Variants in CRACD observed in about 807,000 individuals in gnomAD.
CRACD encodes the protein capping protein inhibiting regulator of actin dynamics.
A neutral mutation model predicts 106.8 loss-of-function variants in CRACD; 56 were observed. The ratio of observed to expected loss-of-function variants is 0.52; its 90% CI spans 0.42 to 0.66. CRACD has a LOEUF of 0.66. Among genes scored for constraint, CRACD ranks in the 30% least tolerant of loss-of-function variants. The probability of loss-of-function intolerance (pLI) is 0.00; values close to 1 mark genes in which losing one functional copy is unlikely to be tolerated. For synonymous variants in CRACD, 754 were observed against 670.8 expected, an observed-to-expected ratio of 1.12 and a Z score of -1.92; for missense variants, 1,730 against 1,623.2, an observed-to-expected ratio of 1.07 and a Z score of -1.13.
In CRACD at chr4:56,314,451, G is replaced by A. The variant is rs1452939435; in HGVS notation, c.949G>A (p.Glu317Lys). The change falls in exon 8 of 11, where the codon GAG becomes AAG. Residue 317 changes from glutamate (E) to lysine (K), a missense_variant. Glu to Lys is a moderately conservative substitution (Grantham distance 56). This residue lies in a region of CRACD where 1,620 missense variants were observed against 1,481.6 expected (regional missense o/e 1.09). Transcript: ENST00000682029. The surrounding 1 kb of genome is among the most constrained non-coding windows in gnomAD (Gnocchi z 4.4). ...TGAGGAGCGCGAGCGCCTGGAGGCGGAGGAGGAGCGAAGGCGTCTGCAGGC... is the reference window on the plus strand; with the variant it reads ...TGAGGAGCGCGAGCGCCTGGAGGCGAAGGAGGAGCGAAGGCGTCTGCAGGC... ...EREERERLEA[E>K]EERRRLQAQA... The A allele has an allele frequency of 2.5e-6, 3 of 1,218,824 alleles. No individual in the cohort carries two copies. Among genetic ancestry groups the A allele is most frequent in the Admixed American group, 2.2e-5 (1 of 44,688 alleles). The allele number at this position is 1,218,824 out of a possible 1,614,324, so 75.5% of individuals were successfully genotyped here.
In CRACD at chr4:56,324,179, G is replaced by T; in HGVS notation, c.3454G>T (p.Glu1152Ter). The change falls in exon 10 of 11, where the codon GAA becomes TAA. Residue 1152 changes from glutamate (E) to a stop codon, truncating the protein, a stop_gained. Transcript: ENST00000682029. LOFTEE classifies it high-confidence loss of function. ...CCTGCACAAGTCCACTGCTCTGCCA[G>T]AAGAGAAGAGGCCCGAGACTGCAGT... Reference protein sequence around the residue: ...GSLHKSTALPEEKRPETAVSR... With the variant: ...GSLHKSTALP 6.2e-7 allele frequency: 1 copy of T among 1,614,220 alleles called. No homozygotes were observed. Among genetic ancestry groups the T allele is most frequent in the Non-Finnish European group, 8.5e-7 (1 of 1,180,004 alleles).
intron 3 of CRACD, among the ~76,000 whole-genome samples, chr4:56,284,737 C>CAA (rs71192086): frequency 0.01 from 1,566 of 151,098 alleles, 20 homozygotes; most frequent in African/African-American, 0.034. Context: ...AAACAAAAAA[C>CAA]AAAAAAAAAG....
chr4:56,271,691 G>T (rs1742356537), intron 2 of CRACD, among the ~76,000 whole-genome samples: 1 of 152,124 alleles, frequency 6.6e-6, no homozygotes, highest in African/African-American at 2.4e-5. Flanking sequence ...GTGCAAAGAG[G>T]TGCTGTGCTG....
chr4:56,178,607 A>G (rs73155172), intron 1 of CRACD, among the ~76,000 whole-genome samples: 3 of 152,100 alleles, frequency 2.0e-5, no homozygotes, highest in Admixed American at 6.6e-5. Context: ...ATACAAGCCA[A>G]CCCCCATCAG....
chr4:56,182,870 T>C (rs1736898001), intron 2 of CRACD, among the ~76,000 whole-genome samples: 1 of 75,474 alleles, frequency 1.3e-5, no homozygotes, highest in South Asian at 5.0e-4. Context: ...GATATGTGTG[T>C]GTGTGTGTGT....
At position 56,303,080 on chromosome 4, in the gene CRACD, C is replaced by A. The variant is rs932592461; in HGVS notation, c.121-4455C>A. Among the ~76,000 whole-genome samples the A allele has an allele frequency of 4.6e-5, 7 of 152,184 alleles. No homozygotes were observed. In the East Asian group the frequency reaches 5.8e-4, roughly 13 times the overall value. ...AGTCTGGAGGCTGGGTGTGGTGGCT[C>A]ATGCCTATAATTCGAGCACTCTGGG... On this transcript the variant is annotated intron_variant, in intron 4 of 10. Transcript: ENST00000682029.
At chr4:56,191,879 G>C (rs370963473) in intron 2 of CRACD, among the ~76,000 whole-genome samples, 2 of 152,230 alleles carry the variant, frequency 1.3e-5, no homozygotes, top group South Asian at 4.1e-4. Context: ...ACCAGTAAAG[G>C]CTTTCTTGTA....
At chr4:56,189,597 G>A (rs1468735860) in intron 2 of CRACD, among the ~76,000 whole-genome samples, 3 of 123,912 alleles carry the variant, frequency 2.4e-5, no homozygotes, top group Admixed American at 2.1e-4. Context: ...CCCTTCCTGC[G>A]TCCATGTGTT....
At chr4:56,266,189 A>G (rs1375944969) in intron 2 of CRACD, among the ~76,000 whole-genome samples, 4 of 152,230 alleles carry the variant, frequency 2.6e-5, no homozygotes, top group Non-Finnish European at 5.9e-5. Flanking sequence ...AAGTTCTTTC[A>G]TAAGGAAAAT....
intron 1 of CRACD, among the ~76,000 whole-genome samples, chr4:56,116,152 T>G (rs1290178749): frequency 6.6e-6 from 1 of 152,222 alleles, no homozygotes; most frequent in African/African-American, 2.4e-5. Flanking sequence ...TTCTTTCTCA[T>G]GTGGATATGT....
intron 2 of CRACD, among the ~76,000 whole-genome samples, chr4:56,181,856 A>G (rs751812910): frequency 1.3e-4 from 20 of 152,142 alleles, no homozygotes; most frequent in Non-Finnish European, 2.4e-4. Context: ...CCCTACTTCA[A>G]TGTGACCTCA....
In CRACD at chr4:56,079,137, G is replaced by T. The variant is rs565314649; in HGVS notation, c.-336+29838G>T. Among the ~76,000 whole-genome samples, 16 of 152,284 alleles carry T rather than the reference G, an allele frequency of 1.1e-4. No homozygotes were observed. The South Asian group carries it at 1.7e-3, about 16-fold the overall frequency. ...GAGTCCAGCGTGTCCTGCCAGGGAA[G>T]AGGAGGCCATTTAAAGGCACCATGC... is the stretch of plus-strand genomic sequence containing the variant. On this transcript the variant is annotated intron_variant, in intron 1 of 10. Coordinates refer to ENST00000682029, the MANE Select transcript of CRACD (RefSeq NM_001393381.1).
intron 1 of CRACD, among the ~76,000 whole-genome samples, chr4:56,073,133 GC>G (rs1732723033): frequency 6.6e-6 from 1 of 152,152 alleles, no homozygotes. Flanking sequence ...CAATGGGATG[GC>G]TGGGTCAAAT....
chr4:56,286,525 C>CAAAAAAAAAAAAAAAAAAAAAAAAAA lies in CRACD; in HGVS notation c.-16-11667_-16-11666insAAAAAAAAAAAAAAAAAAAAAAAAAA, dbSNP rs61498428. Reference sequence around the variant, plus strand: ...TGGGCGACAGAGCGAGACTCCGTCTCAAAAAAAAAAAAAAAAAAAAAAGAT... The same window carrying CAAAAAAAAAAAAAAAAAAAAAAAAAA: ...TGGGCGACAGAGCGAGACTCCGTCTCAAAAAAAAAAAAAAAAAAAAAAAAAAAAAAAAAAAAAAAAAAAAAAAAGAT... On this transcript the variant is annotated intron_variant, in intron 3 of 10. Transcript: ENST00000682029. 6.7e-5 allele frequency among the ~76,000 whole-genome samples: 6 copies of CAAAAAAAAAAAAAAAAAAAAAAAAAA among 89,370 alleles called. 2 individuals carry two copies. The highest frequency in any genetic ancestry group is 2.0e-4 in the African/African-American group (5 of 24,848). The allele number at this position is 89,370 out of a possible 152,430, so 58.6% of individuals were successfully genotyped here.
chr4:56,091,674 T>C (rs1733429659), intron 1 of CRACD, among the ~76,000 whole-genome samples: 1 of 152,206 alleles, frequency 6.6e-6, no homozygotes, highest in Non-Finnish European at 1.5e-5. Flanking sequence ...TCATGTGCTC[T>C]GTTATCTCCT....
At chr4:56,074,129 C>G (rs1344702066) in intron 1 of CRACD, among the ~76,000 whole-genome samples, 1 of 130,388 alleles carries the variant, frequency 7.7e-6, no homozygotes, top group African/African-American at 3.2e-5. Flanking sequence ...ATGCCTCTAG[C>G]TTTGTTCTTT....
chr4:56,063,865 A>C (rs1374769553), intron 1 of CRACD, among the ~76,000 whole-genome samples: 2 of 152,206 alleles, frequency 1.3e-5, no homozygotes, highest in African/African-American at 4.8e-5. Flanking sequence ...ATATGAAGGA[A>C]TGGAATTGCT....
At chr4:56,085,990 C>T (rs544351374) in intron 1 of CRACD, among the ~76,000 whole-genome samples, 1 of 152,192 alleles carries the variant, frequency 6.6e-6, no homozygotes, top group Non-Finnish European at 1.5e-5. Flanking sequence ...TTCAATTCTC[C>T]CTGCATGTTA....
intron 4 of CRACD, among the ~76,000 whole-genome samples, chr4:56,303,917 T>C (rs551382629): frequency 1.3e-5 from 2 of 152,322 alleles, no homozygotes; most frequent in South Asian, 4.2e-4. Flanking sequence ...TTTCTCTTCC[T>C]AAGTTCCCCA....
Sources: allele counts gnomAD v4.1 joint callset (sites outside exome capture counted in the v4.1 genomes callset), GRCh38; gene constraint gnomAD v4.1.1; regional missense constraint gnomAD v4.1.1; non-coding constraint Gnocchi (gnomAD v3.1); transcripts MANE v1.5; gene names NCBI Gene and HGNC (gene_info 2026-07-23, HGNC 2026-07-21).